Variants in GREM2 observed in about 807,000 individuals in gnomAD.
GREM2 encodes the protein gremlin 2, DAN family BMP antagonist.
In GREM2, 11 loss-of-function variants were observed where a neutral mutation model predicts 14.2. The ratio of observed to expected loss-of-function variants is 0.78; its 90% confidence interval spans 0.49 to 1.28. The LOEUF (loss-of-function observed/expected upper bound fraction) is 1.28. GREM2 is among the 50% of genes most tolerant of loss of function. The probability of loss-of-function intolerance (pLI) is 0.00; values close to 1 mark genes in which losing one functional copy is unlikely to be tolerated. For missense variants in GREM2, 210 were observed against 218.5 expected (o/e 0.96, Z 0.24); for synonymous variants, 98 against 97.6 (o/e 1.00, Z -0.02).
chr1:240,504,891 C>T (rs1677646149), intron 1 of GREM2, among the ~76,000 whole-genome samples: 3 of 152,006 alleles, frequency 2.0e-5, no homozygotes, highest in South Asian at 4.1e-4. Flanking sequence ...TATGTGAACA[C>T]ATTTCCTTAG....
intron 1 of GREM2, among the ~76,000 whole-genome samples, chr1:240,573,469 A>AT (rs921031012): frequency 1.3e-5 from 2 of 151,942 alleles, no homozygotes; most frequent in African/African-American, 4.8e-5. Context: ...TTCACCATGG[A>AT]TTTTTTTGGC....
At chr1:240,558,899 T>C (rs1678993979) in intron 1 of GREM2, among the ~76,000 whole-genome samples, 1 of 151,512 alleles carries the variant, frequency 6.6e-6, no homozygotes, top group South Asian at 2.1e-4. Flanking sequence ...GTAAGAAGAG[T>C]AGTATTTTTT....
At chr1:240,512,977 A>T (rs1269103930) in intron 1 of GREM2, among the ~76,000 whole-genome samples, 2 of 152,232 alleles carry the variant, frequency 1.3e-5, no homozygotes, top group African/African-American at 4.8e-5. Flanking sequence ...TACTAGGAAT[A>T]CAGCAGATAT....
intron 1 of GREM2, among the ~76,000 whole-genome samples, chr1:240,573,681 A>C (rs929648767): frequency 1.4e-4 from 21 of 152,166 alleles, no homozygotes; most frequent in Non-Finnish European, 2.4e-4. Context: ...TAAGTGGTGA[A>C]GTCTGGATTC....
At chr1:240,525,758 C>T (rs542640602) in intron 1 of GREM2, among the ~76,000 whole-genome samples, 191 of 152,232 alleles carry the variant, frequency 1.3e-3, no homozygotes, top group African/African-American at 1.7e-3. Context: ...CGATTACAGG[C>T]GTGAGCCACC....
chr1:240,531,098 C>A (rs1034102813), intron 1 of GREM2, among the ~76,000 whole-genome samples: 2 of 152,098 alleles, frequency 1.3e-5, no homozygotes, highest in Non-Finnish European at 2.9e-5. Flanking sequence ...AACTTATTGC[C>A]AAAATACTCA....
At position 240,492,869 on chromosome 1, in the gene GREM2, A is replaced by G; in HGVS notation, c.*100T>C. ...GTGCTTGCTGCTGAGGGGGAACACC[A>G]GGCAGCGTGACAGTGGGCTCGGAGG... On this transcript the variant is annotated 3_prime_UTR_variant, in exon 2 of 2. Coordinates refer to ENST00000318160, the MANE Select transcript of GREM2 (RefSeq NM_022469.4). The G allele has an allele frequency of 8.6e-7, 1 of 1,168,034 alleles. No individual in the cohort carries two copies. The highest frequency in any genetic ancestry group is 1.6e-5 in the African/African-American group (1 of 61,884). 72.4% of individuals were successfully genotyped at this position (1,168,034 alleles called of 1,614,324 possible).
At chr1:240,578,642 A>G (rs1444575086) in intron 1 of GREM2, among the ~76,000 whole-genome samples, 1 of 151,812 alleles carries the variant, frequency 6.6e-6, no homozygotes, top group African/African-American at 2.4e-5. Flanking sequence ...AAAATTAGCC[A>G]AGTGTGTTGG....
At chr1:240,538,077 A>G (rs1678511544) in intron 1 of GREM2, among the ~76,000 whole-genome samples, 1 of 152,226 alleles carries the variant, frequency 6.6e-6, no homozygotes, top group Non-Finnish European at 1.5e-5. Context: ...CAAAGTAATG[A>G]CAGTCAATAA....
At chr1:240,552,559 C>T (rs1249644802) in intron 1 of GREM2, among the ~76,000 whole-genome samples, 1 of 152,190 alleles carries the variant, frequency 6.6e-6, no homozygotes, top group East Asian at 1.9e-4. Flanking sequence ...CGGGCCACTG[C>T]ACTCCAGCAG....
chr1:240,493,451 A>C lies in GREM2; in HGVS notation c.25T>G (p.Leu9Val), dbSNP rs750154720. MFWKLSLS[L>V]FLVAVLVKVA... ...TTCACCAGCACCGCCACCAGGAACA[A>C]GGACAGGGAAAGCTTCCAGAACATC... The change falls in exon 2 of 2, where the codon TTG (leucine) becomes GTG (valine). Residue 9 changes from leucine (L) to valine (V), a missense_variant. Coordinates refer to ENST00000318160, the MANE Select transcript of GREM2 (RefSeq NM_022469.4). The C allele has an allele frequency of 2.5e-6, 4 of 1,609,246 alleles. No individual in the cohort carries two copies. In the South Asian group the frequency reaches 4.4e-5, roughly 18 times the overall value.
At chr1:240,504,202 G>A (rs962636144) in intron 1 of GREM2, among the ~76,000 whole-genome samples, 1 of 152,106 alleles carries the variant, frequency 6.6e-6, no homozygotes, top group African/African-American at 2.4e-5. Flanking sequence ...GAAAAAAACT[G>A]TTCAGTACTA....
intron 1 of GREM2, among the ~76,000 whole-genome samples, chr1:240,596,419 G>A (rs1338229724): frequency 9.2e-5 from 14 of 152,132 alleles, no homozygotes; most frequent in Admixed American, 4.6e-4. Flanking sequence ...GTGGCTTGCC[G>A]GGCACGGTAG....
At chr1:240,558,571 T>A (rs1404238926) in intron 1 of GREM2, among the ~76,000 whole-genome samples, 1 of 152,150 alleles carries the variant, frequency 6.6e-6, no homozygotes, top group East Asian at 1.9e-4. Flanking sequence ...TGCACCCTGA[T>A]AATTAGTGAG....
intron 1 of GREM2, among the ~76,000 whole-genome samples, chr1:240,549,057 C>T (rs1678792391): frequency 6.6e-6 from 1 of 152,128 alleles, no homozygotes; most frequent in African/African-American, 2.4e-5. Context: ...TAAAGCAAGG[C>T]TAGGCTCGGT....
In GREM2 at chr1:240,543,268, T is replaced by C. The variant is rs1262386486; in HGVS notation, c.-1-49792A>G. ...TAGGTAATCTATTAGTCTGTCGTCA[T>C]GCTGCTAATAAAAAGACATACCTGA... On this transcript the variant is annotated intron_variant, in intron 1 of 1. Transcript: ENST00000318160. This position sits in a 1 kb window ranked among gnomAD's most constrained non-coding sequence, Gnocchi z 6.4. 6.6e-6 allele frequency among the ~76,000 whole-genome samples: 1 copy of C among 152,192 alleles called. No individual in the cohort carries two copies. The highest frequency in any genetic ancestry group is 1.5e-5 in the Non-Finnish European group (1 of 68,038).
At chr1:240,561,180 G>A (rs1209918549) in intron 1 of GREM2, among the ~76,000 whole-genome samples, 1 of 152,026 alleles carries the variant, frequency 6.6e-6, no homozygotes, top group African/African-American at 2.4e-5. Flanking sequence ...TGTGGTTTGT[G>A]AACCACTAAG....
chr1:240,541,263 C>T (rs1678580469), intron 1 of GREM2, among the ~76,000 whole-genome samples: 1 of 152,128 alleles, frequency 6.6e-6, no homozygotes, highest in African/African-American at 2.4e-5. Context: ...TGGATTGACC[C>T]AGTGGATTGA....
chr1:240,571,694 A>G (rs926904986), intron 1 of GREM2, among the ~76,000 whole-genome samples: 1 of 152,118 alleles, frequency 6.6e-6, no homozygotes, highest in Non-Finnish European at 1.5e-5. Flanking sequence ...GTGAAACTCC[A>G]TCGCAAAAAA....
Sources: gnomAD v4.1 joint callset for allele counts (sites outside exome capture counted in the v4.1 genomes callset) on GRCh38, gnomAD v4.1.1 for gene constraint, Gnocchi (gnomAD v3.1) non-coding constraint, MANE v1.5 for transcripts, NCBI Gene and HGNC (gene_info 2026-07-23, HGNC 2026-07-21) for gene names.